The following EPHA2 variants were observed in gnomAD, a reference collection of about 807,000 sequenced individuals.
EPHA2 encodes ephrin type-A receptor 2.
In EPHA2, 54 loss-of-function variants were observed where a neutral mutation model predicts 104.9. The observed-to-expected ratio is 0.51, with a 90% CI of 0.41 to 0.65. The LOEUF is 0.65. Among genes scored for constraint, EPHA2 ranks in the 30% least tolerant of loss-of-function variants. EPHA2 has a pLI of 0.00. For synonymous variants in EPHA2, 560 were observed against 559.1 expected, an observed-to-expected ratio of 1.00 and a Z score of -0.02; for missense variants, 1,117 against 1,369.5, an observed-to-expected ratio of 0.82 and a Z score of 2.91.
At chr1:16,138,836 C>T (rs2024770546) in intron 3 of EPHA2, among the ~76,000 whole-genome samples, 1 of 152,174 alleles carries the variant, frequency 6.6e-6, no homozygotes, top group African/African-American at 2.4e-5. Flanking sequence ...CTGTCCGGTC[C>T]CCACCTGGGT....
rs759687964 is a variant in EPHA2 at position 16,148,677 on chromosome 1, C to T, written c.524G>A (p.Arg175His). 56 of 1,610,710 alleles carry T rather than the reference C, an allele frequency of 3.5e-5. No individual in the cohort carries two copies. Among genetic ancestry groups the T allele is most frequent in the Middle Eastern group, 1.6e-4 (1 of 6,082 alleles). Reference sequence around the variant, plus strand: ...CTGGAAGGCCAGGTAGAAGCCTTTGCGGGTGAGCGGCCCCACGGAGCGCTC... The same window carrying T: ...CTGGAAGGCCAGGTAGAAGCCTTTGTGGGTGAGCGGCCCCACGGAGCGCTC... ...VEERSVGPLTRKGFYLAFQDI... is the reference protein window; with the variant it reads ...VEERSVGPLTHKGFYLAFQDI... Residue 175 changes from arginine to histidine, a missense_variant, in exon 3 of 17, where the codon CGC becomes CAC. By Grantham distance (29) the Arg-to-His change is conservative. Transcript: ENST00000358432. This position sits in a 1 kb window ranked among gnomAD's most constrained non-coding sequence, Gnocchi z 4.9.
rs745478922 is a variant in EPHA2, at chr1:16,148,896, A to G, written c.305T>C (p.Val102Ala). 2.2e-5 allele frequency: 36 copies of G among 1,614,044 alleles called. No individual in the cohort carries two copies. The highest frequency in any genetic ancestry group is 2.7e-5 in the Non-Finnish European group (32 of 1,180,054). Residue 102 changes from valine (V) to alanine (A), a missense_variant, in exon 3 of 17, where the codon GTA becomes GCA. Physicochemically the swap from Val to Ala is moderately conservative, Grantham distance 64. Transcript: ENST00000358432. The surrounding 1 kb of genome is among the most constrained non-coding windows in gnomAD (Gnocchi z 4.9). ...ERIFIELKFT[V>A]RDCNSFPGGA... ...ACCAGGGAAGCTGTTGCAGTCACGT[A>G]CAGTAAACTTGAGCTCAATGAAGAT...
rs1389260869 is a variant in EPHA2 at position 16,150,079 on chromosome 1, T to A, written c.153+817A>T. On this transcript the variant is annotated intron_variant, in intron 2 of 16. Transcript: ENST00000358432. The surrounding 1 kb of genome is among the most constrained non-coding windows in gnomAD (Gnocchi z 4.8). The stretch of plus-strand genomic sequence containing the variant: ...CTAGACTTCCAGGATCCTAGAAACC[T>A]GCTCAGGGCTACACCCCAGCCAAGC... 6.6e-6 allele frequency among the ~76,000 whole-genome samples: 1 copy of A among 152,082 alleles called. No homozygotes were observed. The highest frequency in any genetic ancestry group is 2.4e-5 in the African/African-American group (1 of 41,400).
chr1:16,155,813 CG>C (rs1366343888), intron 1 of EPHA2, 34 bp downstream of exon 1: 14 of 1,370,558 alleles, frequency 1.0e-5, no homozygotes, highest in Admixed American at 7.3e-5. Context: ...CACTGGGGCC[CG>C]GGGGCCAGGG....
chr1:16,129,164 A>G (rs1458403944), intron 16 of EPHA2, among the ~76,000 whole-genome samples: 3 of 151,210 alleles, frequency 2.0e-5, no homozygotes, highest in Non-Finnish European at 2.9e-5. Flanking sequence ...CATAGCCCTC[A>G]GTAAACAGTA....
chr1:16,146,285 A>AG (rs550355528), intron 3 of EPHA2: 3 of 152,188 alleles, frequency 2.0e-5, no homozygotes, highest in Non-Finnish European at 2.9e-5. Flanking sequence ...TCTTCCCAAC[A>AG]GGGGGCTGCT....
chr1:16,148,621 C>T lies in EPHA2; in HGVS notation c.580G>A (p.Val194Ile), dbSNP rs780924846. 9.3e-6 allele frequency: 15 copies of T among 1,608,594 alleles called. No individual in the cohort carries two copies. The highest frequency in any genetic ancestry group is 2.2e-5 in the South Asian group (2 of 91,088). The stretch of plus-strand genomic sequence containing the variant: ...GGGCACTTCTTGTAGTAGACACGGA[C>T]GGAGAGCAGCGCCACACAGGCACCG... Reference protein sequence around the residue: ...DIGACVALLSVRVYYKKCPEL... With the variant: ...DIGACVALLSIRVYYKKCPEL... The change falls in exon 3 of 17, where the codon GTC (valine) becomes ATC (isoleucine). Residue 194 changes from valine (V) to isoleucine (I), a missense_variant. Val to Ile is a conservative substitution (Grantham distance 29). Around this residue, in one of 3 missense-constraint regions of EPHA2, gnomAD observed 664 missense variants for 784.8 expected, o/e 0.85. Coordinates refer to ENST00000358432, the MANE Select transcript of EPHA2 (RefSeq NM_004431.5). This position sits in a 1 kb window ranked among gnomAD's most constrained non-coding sequence, Gnocchi z 4.9.
Position 16,148,950 on chromosome 1 carries a change from T to G in EPHA2, c.251A>C (p.Asn84Thr), listed in dbSNP as rs1038498668. 6.2e-7 allele frequency: 1 copy of G among 1,614,000 alleles called. No individual in the cohort carries two copies. The highest frequency in any genetic ancestry group is 1.3e-5 in the African/African-American group (1 of 74,912). Residue 84 changes from asparagine to threonine, a missense_variant, in exon 3 of 17, where the codon AAC becomes ACC. This residue lies in a region of EPHA2 where 664 missense variants were observed against 784.8 expected (regional missense o/e 0.85). Transcript: ENST00000358432. This position sits in a 1 kb window ranked among gnomAD's most constrained non-coding sequence, Gnocchi z 4.9. ...CTCAGCCTCTCCTCGGTACACCCAG[T>G]TGGTGCGGAGCCAGTTGTCCTGGTC... is the stretch of plus-strand genomic sequence containing the variant. ...SGDQDNWLRTNWVYRGEAERI... is the reference protein window; with the variant it reads ...SGDQDNWLRTTWVYRGEAERI...
chr1:16,125,839 G>C lies in EPHA2; in HGVS notation c.2826-519C>G, dbSNP rs541840039. 1.3e-5 allele frequency among the ~76,000 whole-genome samples: 2 copies of C among 151,988 alleles called. No homozygotes were observed. Among genetic ancestry groups the C allele is most frequent in the African/African-American group, 4.8e-5 (2 of 41,372 alleles). On this transcript the variant is annotated intron_variant, in intron 16 of 16. Coordinates refer to ENST00000358432, the MANE Select transcript of EPHA2 (RefSeq NM_004431.5). This position sits in a 1 kb window ranked among gnomAD's most constrained non-coding sequence, Gnocchi z 4.9. ...TTCCCAGGAACTCTCTAGGGATGTCGCTCAAAGCCTCTCTGCCCAAGGTCT... is the reference window on the plus strand; with the variant it reads ...TTCCCAGGAACTCTCTAGGGATGTCCCTCAAAGCCTCTCTGCCCAAGGTCT...
At chr1:16,129,688 C>T (rs1329324228) in intron 15 of EPHA2, 99 bp from the exon 16 acceptor site, 2 of 1,439,226 alleles carry the variant, frequency 1.4e-6, no homozygotes, top group African/African-American at 1.4e-5. Flanking sequence ...CTCGGCTGCC[C>T]CGTGCCTCCG....
In EPHA2 at chr1:16,129,451, C is replaced by T. The variant is rs1557501092; in HGVS notation, c.2808G>A (p.Val936=). The change falls in exon 16 of 17, where the codon GTG becomes GTA. Residue 936 remains valine (V), a synonymous_variant. Transcript: ENST00000358432. ...TGACTTACTCGTTGGTCATCTGCAC[C>T]ACCTTCTCGATGGCAGTGTAGCCGG... ...MAAGYTAIEK[V]VQMTNDDIKR... The T allele has an allele frequency of 6.2e-7, 1 of 1,613,520 alleles. No homozygotes were observed. The highest frequency in any genetic ancestry group is 8.5e-7 in the Non-Finnish European group (1 of 1,180,010).
chr1:16,130,227 G>A lies in EPHA2; in HGVS notation c.2668C>T (p.Arg890Cys), dbSNP rs778989600. Residue 890 changes from arginine to cysteine, a missense_variant and splice_region_variant, in exon 15 of 17, where the codon CGC (arginine) becomes TGC (cysteine). Arg to Cys is a radical substitution (Grantham distance 180). Transcript: ENST00000358432. The surrounding 1 kb of genome is among the most constrained non-coding windows in gnomAD (Gnocchi z 4.5). ...ATGGGCAGAGGGCATAGAACTCACCGGGGGTCAAAGTCAGCCAGGGTCTTG... is the reference window on the plus strand; with the variant it reads ...ATGGGCAGAGGGCATAGAACTCACCAGGGGTCAAAGTCAGCCAGGGTCTTG... The part of the protein sequence containing the change: ...SLKTLADFDP[R>C]VSIRLPSTSG... The A allele has an allele frequency of 1.7e-5, 28 of 1,614,022 alleles. No individual in the cohort carries two copies. The East Asian group carries it at 2.2e-4, about 13-fold the overall frequency.
chr1:16,139,783 CA>C (rs1165361248), intron 3 of EPHA2, among the ~76,000 whole-genome samples: 14 of 152,142 alleles, frequency 9.2e-5, no homozygotes, highest in African/African-American at 3.1e-4. Context: ...AGCAATAAAA[CA>C]GTTGAGAAAG....
chr1:16,143,601 C>T (rs146011115), intron 3 of EPHA2, among the ~76,000 whole-genome samples: 259 of 152,240 alleles, frequency 1.7e-3, no homozygotes, highest in African/African-American at 5.1e-3. Context: ...CAGGGACAGA[C>T]GCCCTTATCG....
chr1:16,128,758 A>G lies in EPHA2; in HGVS notation c.2825+676T>C, dbSNP rs1182433997. Among the ~76,000 whole-genome samples, 1 of 152,086 alleles carries G rather than the reference A, an allele frequency of 6.6e-6. No homozygotes were observed. Among genetic ancestry groups the G allele is most frequent in the African/African-American group, 2.4e-5 (1 of 41,410 alleles). ...AAGGGGCAGCTTGACAAAGGGGCAA[A>G]CCCAGGGCCAGCAGAGAGTAAGTGG... On this transcript the variant is annotated intron_variant, in intron 16 of 16. Transcript: ENST00000358432. The surrounding 1 kb of genome is among the most constrained non-coding windows in gnomAD (Gnocchi z 4.7).
chr1:16,149,526 G>A (rs1569607874), intron 2 of EPHA2, among the ~76,000 whole-genome samples: 1 of 152,316 alleles, frequency 6.6e-6, no homozygotes, highest in African/African-American at 2.4e-5. Context: ...GTTGGCAAAC[G>A]CAGGAGTGGC....
intron 11 of EPHA2, 49 bp from the exon 12 acceptor site, chr1:16,132,488 G>A: frequency 2.5e-6 from 4 of 1,606,800 alleles, no homozygotes; most frequent in Non-Finnish European, 3.4e-6. Context: ...CAGGCATGTG[G>A]GAGAGGTGGG....
intron 16 of EPHA2, among the ~76,000 whole-genome samples, chr1:16,126,357 T>C (rs942176268): frequency 1.3e-5 from 2 of 152,222 alleles, no homozygotes; most frequent in African/African-American, 4.8e-5. Flanking sequence ...GGGCCGACTT[T>C]TGGCTGTAAA....
chr1:16,138,245 C>G (rs1033504444), intron 4 of EPHA2, 30 bp downstream of exon 4: 10 of 1,612,856 alleles, frequency 6.2e-6, no homozygotes, highest in Non-Finnish European at 8.5e-6. Context: ...CACCCTCAGT[C>G]ACGCCACCCT....
Sources: gnomAD v4.1 joint callset for allele counts (sites outside exome capture counted in the v4.1 genomes callset) on GRCh38, gnomAD v4.1.1 for gene constraint, gnomAD v4.1.1 regional missense constraint, Gnocchi (gnomAD v3.1) non-coding constraint, MANE v1.5 for transcripts, NCBI Gene and HGNC (gene_info 2026-07-23, HGNC 2026-07-21) for gene names.